The following WWOX variants were observed in gnomAD, a reference collection of about 807,000 sequenced individuals.
The protein encoded by WWOX is WW domain-containing oxidoreductase.
In WWOX, 69 loss-of-function variants were observed where a neutral mutation model predicts 46.2. That is an observed-to-expected ratio of 1.49 (90% CI 1.23 to 1.82). The LOEUF (loss-of-function observed/expected upper bound fraction) is 1.82. Ranked by LOEUF, WWOX falls within the 40% of genes most tolerant of loss-of-function variation. The pLI is 0.00. For missense variants in WWOX, 919 were observed against 542.6 expected (o/e 1.69, Z -6.89); for synonymous variants, 359 against 202.6 (o/e 1.77, Z -6.56).
chr16:78,915,695 A>AT (rs11399149), intron 8 of WWOX, among the ~76,000 whole-genome samples: 73,668 of 113,872 alleles, frequency 0.65, 18,208 homozygotes, highest in Middle Eastern at 0.71. Flanking sequence ...CTCCAAAGCC[A>AT]TTTAAAAAAA....
intron 8 of WWOX, among the ~76,000 whole-genome samples, chr16:78,530,154 C>T (rs1015198573): frequency 6.6e-6 from 1 of 152,166 alleles, no homozygotes; most frequent in African/African-American, 2.4e-5. Flanking sequence ...TGTACTGGCC[C>T]TGGGATAGCA....
intron 8 of WWOX, among the ~76,000 whole-genome samples, chr16:79,082,077 C>T (rs116840853): frequency 1.7e-3 from 254 of 152,218 alleles, no homozygotes; most frequent in Non-Finnish European, 2.6e-3. Flanking sequence ...CCTTGCCAAG[C>T]GAAAATACAG....
At chr16:78,952,689 T>C (rs1415378094) in intron 8 of WWOX, among the ~76,000 whole-genome samples, 1 of 152,180 alleles carries the variant, frequency 6.6e-6, no homozygotes, top group Non-Finnish European at 1.5e-5. Flanking sequence ...TGGCCTGTTT[T>C]TGTGTTTGTT....
intron 8 of WWOX, among the ~76,000 whole-genome samples, chr16:78,717,276 C>A (rs2048586280): frequency 6.6e-6 from 1 of 152,104 alleles, no homozygotes. Flanking sequence ...ATATAGAGAT[C>A]CAGTAGTTAA....
chr16:78,521,974 T>C (rs547769677), intron 8 of WWOX, among the ~76,000 whole-genome samples: 7 of 152,190 alleles, frequency 4.6e-5, no homozygotes, highest in African/African-American at 1.7e-4. Flanking sequence ...AGCAGGCCCA[T>C]TTTGCAAGTT....
intron 6 of WWOX, among the ~76,000 whole-genome samples, chr16:78,392,134 G>A (rs532307125): frequency 6.6e-6 from 1 of 152,072 alleles, no homozygotes; most frequent in South Asian, 2.1e-4. Context: ...TGGGTGGCAT[G>A]GCAGGGAGTG....
chr16:78,120,286 T>G (rs1278316593), intron 4 of WWOX, among the ~76,000 whole-genome samples: 2 of 152,132 alleles, frequency 1.3e-5, no homozygotes, highest in African/African-American at 4.8e-5. Context: ...GTATAAATAT[T>G]TCAGCCGGGC....
Position 78,342,788 on chromosome 16 carries a change from C to G in WWOX, c.517-44072C>G, listed in dbSNP as rs1263704926. Reference sequence around the variant, plus strand: ...ACCTAAAAACAAGCCACCAGATTGTCCCATTCCACTATCATTCTGCCATCA... The same window carrying G: ...ACCTAAAAACAAGCCACCAGATTGTGCCATTCCACTATCATTCTGCCATCA... On this transcript the variant is annotated intron_variant, in intron 5 of 8. Coordinates refer to ENST00000566780, the MANE Select transcript of WWOX (RefSeq NM_016373.4). Among the ~76,000 whole-genome samples the G allele has an allele frequency of 3.3e-5, 4 of 120,698 alleles. 1 individual carries two copies. Among genetic ancestry groups the G allele is most frequent in the African/African-American group, 1.1e-4 (4 of 35,566 alleles). 79.2% of individuals were successfully genotyped at this position (120,698 alleles called of 152,430 possible).
chr16:79,153,666 G>T (rs923183335), intron 8 of WWOX, among the ~76,000 whole-genome samples: 8 of 152,102 alleles, frequency 5.3e-5, no homozygotes, highest in African/African-American at 1.9e-4. Context: ...GATCATAGAA[G>T]GCCTTAATCT....
chr16:78,937,481 G>T (rs550881213), intron 8 of WWOX, among the ~76,000 whole-genome samples: 6 of 98,152 alleles, frequency 6.1e-5, no homozygotes, highest in African/African-American at 2.5e-4. Flanking sequence ...TTTTAATAGC[G>T]ATGGGGTTTC....
At chr16:78,123,953 G>A (rs1348971054) in intron 4 of WWOX, 12 of 152,128 alleles carry the variant, frequency 7.9e-5, no homozygotes, top group Non-Finnish European at 2.9e-5. Context: ...TTAATGTGAA[G>A]CAGATAGCCA....
At position 78,806,661 on chromosome 16, in the gene WWOX, C is replaced by A. The variant is rs117865721; in HGVS notation, c.1056+373909C>A. The stretch of plus-strand genomic sequence containing the variant: ...AGGGTGAGCGTCCCAAGAGAAAGAA[C>A]CAAGCAGATGCTGCATTGCCTTTTA... On this transcript the variant is annotated intron_variant, in intron 8 of 8. Coordinates refer to ENST00000566780, the MANE Select transcript of WWOX (RefSeq NM_016373.4). Among the ~76,000 whole-genome samples the A allele has an allele frequency of 2.4e-3, 358 of 152,194 alleles. 1 individual carries two copies. The highest frequency in any genetic ancestry group is 3.7e-3 in the Non-Finnish European group (251 of 68,012).
In WWOX at chr16:78,933,357, C is replaced by T. The variant is rs186904468; in HGVS notation, c.1057-278251C>T. Among the ~76,000 whole-genome samples, 882 of 152,202 alleles carry T rather than the reference C, an allele frequency of 5.8e-3. 5 individuals are homozygous for T. The highest frequency in any genetic ancestry group is 0.019 in the African/African-American group (808 of 41,536). Reference sequence around the variant, plus strand: ...AGGAGGCTGAGGCAGGAGAACTGCTCGAACCCAGGAGGCTGAGGTTATGTT... The same window carrying T: ...AGGAGGCTGAGGCAGGAGAACTGCTTGAACCCAGGAGGCTGAGGTTATGTT... On this transcript the variant is annotated intron_variant, in intron 8 of 8. Transcript: ENST00000566780.
chr16:78,201,714 T>TTTAC (rs2036235803), intron 5 of WWOX, among the ~76,000 whole-genome samples: 1 of 149,440 alleles, frequency 6.7e-6, no homozygotes, highest in Admixed American at 6.7e-5. Context: ...TATTTATTTA[T>TTTAC]TGTTTGAGAC....
chr16:78,787,775 T>G (rs1345335068), intron 8 of WWOX, among the ~76,000 whole-genome samples: 1 of 152,218 alleles, frequency 6.6e-6, no homozygotes, highest in Non-Finnish European at 1.5e-5. Context: ...CCATTTTATA[T>G]TTCCACTTGC....
Position 78,942,430 on chromosome 16 carries a change from G to A in WWOX, c.1057-269178G>A, listed in dbSNP as rs570799405. On this transcript the variant is annotated intron_variant, in intron 8 of 8. Coordinates refer to ENST00000566780, the MANE Select transcript of WWOX (RefSeq NM_016373.4). ...AGTTTTGAGGACACACTGTAAAAAT[G>A]TATGACAGCAGTTTGAAGATAAGTC... is the stretch of plus-strand genomic sequence containing the variant. Among the ~76,000 whole-genome samples, 5 of 152,240 alleles carry A rather than the reference G, an allele frequency of 3.3e-5. No individual in the cohort carries two copies. The South Asian group carries it at 6.2e-4, about 19-fold the overall frequency.
At chr16:78,633,464 T>C in intron 8 of WWOX, among the ~76,000 whole-genome samples, 1 of 152,162 alleles carries the variant, frequency 6.6e-6, no homozygotes, top group East Asian at 1.9e-4. Context: ...CGTATGACTT[T>C]AAAACAGAAC....
chr16:78,366,701 TGA>T (rs2049738555), intron 5 of WWOX, among the ~76,000 whole-genome samples: 1 of 152,178 alleles, frequency 6.6e-6, no homozygotes, highest in Non-Finnish European at 1.5e-5. Context: ...GGGAGATACT[TGA>T]AAAATCTAAA....
chr16:79,173,594 A>G (rs1351168249), intron 8 of WWOX, among the ~76,000 whole-genome samples: 1 of 152,170 alleles, frequency 6.6e-6, no homozygotes, highest in African/African-American at 2.4e-5. Flanking sequence ...GCCACTGGAA[A>G]TAACTATTTC....
Sources: allele counts gnomAD v4.1 joint callset (sites outside exome capture counted in the v4.1 genomes callset), GRCh38; gene constraint gnomAD v4.1.1; transcripts MANE v1.5; gene names NCBI Gene and HGNC (gene_info 2026-07-23, HGNC 2026-07-21).